LDLRAD2: variants seen among roughly 807,000 people sequenced by gnomAD.
LDLRAD2 encodes low-density lipoprotein receptor class A domain-containing protein 2.
In LDLRAD2, 25 loss-of-function variants were observed where a neutral mutation model predicts 24.9. The ratio of observed to expected loss-of-function variants is 1.00; its 90% CI spans 0.73 to 1.40. The LOEUF (loss-of-function observed/expected upper bound fraction) is 1.40. LDLRAD2 is among the 40% of genes most tolerant of loss of function. The pLI, the probability that LDLRAD2 is intolerant of heterozygous loss-of-function variation, is 0.00. For missense variants in LDLRAD2, 391 were observed against 366.2 expected (o/e 1.07, Z -0.55); for synonymous variants, 182 against 166.7 (o/e 1.09, Z -0.71).
chr1:21,820,935 C>T (rs1228081720), intron 3 of LDLRAD2, among the ~76,000 whole-genome samples: 3 of 152,152 alleles, frequency 2.0e-5, no homozygotes, highest in Non-Finnish European at 2.9e-5. Context: ...TGGTGGCTCA[C>T]GCCTGGAATC....
chr1:21,814,775 C>T lies in LDLRAD2; in HGVS notation c.463C>T (p.Arg155Cys), dbSNP rs892058926. ...FLGLRLVTRG[R>C]QPRVDFVGEV... Reference sequence around the variant, plus strand: ...AGGCCTGCGCCTGGTCACGAGAGGCCGCCAGCCCCGCGTGGACTTCGTGGG... The same window carrying T: ...AGGCCTGCGCCTGGTCACGAGAGGCTGCCAGCCCCGCGTGGACTTCGTGGG... The change falls in exon 2 of 5, where the codon CGC becomes TGC. Residue 155 changes from arginine to cysteine, a missense_variant. Physicochemically the swap from Arg to Cys is radical, Grantham distance 180. Transcript: ENST00000344642. The T allele has an allele frequency of 1.3e-5, 19 of 1,482,226 alleles. No individual in the cohort carries two copies. In the South Asian group the frequency reaches 1.6e-4, roughly 13 times the overall value. The allele number at this position is 1,482,226 out of a possible 1,614,324, so 91.8% of individuals were successfully genotyped here. A position where few individuals can be genotyped will look rare whatever the true frequency, so the allele number is the denominator to read the frequency against.
At position 21,812,486 on chromosome 1, in the gene LDLRAD2, G is replaced by A; in HGVS notation, c.35G>A (p.Arg12Lys). Reference protein sequence around the residue: ...EACCLLQLPQRLLLLGAAALT... With the variant: ...EACCLLQLPQKLLLLGAAALT... Reference sequence around the variant, plus strand: ...TGTTGTCTTCTGCAGTTGCCCCAAAGGTTGCTCTTGCTGGGGGCAGCCGCC... The same window carrying A: ...TGTTGTCTTCTGCAGTTGCCCCAAAAGTTGCTCTTGCTGGGGGCAGCCGCC... The change falls in exon 1 of 5, where the codon AGG becomes AAG. Residue 12 changes from arginine to lysine, a missense_variant. By Grantham distance (26) the Arg-to-Lys change is conservative. Coordinates refer to ENST00000344642, the MANE Select transcript of LDLRAD2 (RefSeq NM_001013693.3). 2 of 1,614,174 alleles carry A rather than the reference G, an allele frequency of 1.2e-6. No homozygotes were observed. Among genetic ancestry groups the A allele is most frequent in the Non-Finnish European group, 1.7e-6 (2 of 1,180,026 alleles).
In LDLRAD2 at chr1:21,814,441, G is replaced by T. The variant is rs1272638516; in HGVS notation, c.129G>T (p.Gly43=). ...GCGGGCAGACGTGGCAGGGGGACGGGCTGCTGCTGCGCTCGCACGCCGCAT... is the reference window on the plus strand; with the variant it reads ...GCGGGCAGACGTGGCAGGGGGACGGTCTGCTGCTGCGCTCGCACGCCGCAT... The part of the protein sequence containing the change: ...ELCGQTWQGD[G]LLLRSHAASR... Residue 43 remains glycine (G), a synonymous_variant, in exon 2 of 5, where the codon GGG becomes GGT. Transcript: ENST00000344642. The T allele has an allele frequency of 6.2e-7, 1 of 1,609,608 alleles. No homozygotes were observed. The highest frequency in any genetic ancestry group is 8.5e-7 in the Non-Finnish European group (1 of 1,178,224).
intron 1 of LDLRAD2, 145 bp downstream of exon 1, chr1:21,812,681 C>G: frequency 1.5e-6 from 1 of 666,070 alleles, no homozygotes; most frequent in Non-Finnish European, 2.6e-6. Context: ...TCTGGTCTTG[C>G]TTGGCATCCC....
chr1:21,822,456 TA>T lies in LDLRAD2; in HGVS notation c.*243del. On this transcript the variant is annotated 3_prime_UTR_variant, in exon 5 of 5. Coordinates refer to ENST00000344642, the MANE Select transcript of LDLRAD2 (RefSeq NM_001013693.3). ...GTCGTGAGTCCTGCCTTCCCCCACC[TA>T]AGGCACTAGCTCTTCCTGAGCACCA... 1.9e-6 allele frequency: 1 copy of T among 521,946 alleles called. No homozygotes were observed. The highest frequency in any genetic ancestry group is 3.3e-5 in the East Asian group (1 of 30,092). 32.3% of individuals were successfully genotyped at this position (521,946 alleles called of 1,614,324 possible). A position where few individuals can be genotyped will look rare whatever the true frequency, so the allele number is the denominator to read the frequency against.
intron 2 of LDLRAD2, 115 bp from the exon 3 acceptor site, chr1:21,815,828 T>C: frequency 3.2e-6 from 4 of 1,269,022 alleles, no homozygotes; most frequent in Non-Finnish European, 4.4e-6. Context: ...TCTGCATGCA[T>C]GAGGGCAGCT....
At position 21,812,479 on chromosome 1, in the gene LDLRAD2, C is replaced by T. The variant is rs1014686176; in HGVS notation, c.28C>T (p.Pro10Ser). 1.2e-6 allele frequency: 2 copies of T among 1,614,016 alleles called. No homozygotes were observed. Among genetic ancestry groups the T allele is most frequent in the Non-Finnish European group, 1.7e-6 (2 of 1,180,004 alleles). MEACCLLQL[P>S]QRLLLLGAAA... ...GGAGGCTTGTTGTCTTCTGCAGTTGCCCCAAAGGTTGCTCTTGCTGGGGGC... is the reference window on the plus strand; with the variant it reads ...GGAGGCTTGTTGTCTTCTGCAGTTGTCCCAAAGGTTGCTCTTGCTGGGGGC... The change falls in exon 1 of 5, where the codon CCC becomes TCC. Residue 10 changes from proline to serine, a missense_variant. Transcript: ENST00000344642.
In LDLRAD2 at chr1:21,814,502, T is replaced by A. The variant is rs532722184; in HGVS notation, c.190T>A (p.Cys64Ser). ...RFYFVAPDTD[C>S]GLWVQAAAPG... ...CTACTTCGTGGCTCCGGACACCGACTGCGGGCTCTGGGTGCAGGCGGCAGC... is the reference window on the plus strand; with the variant it reads ...CTACTTCGTGGCTCCGGACACCGACAGCGGGCTCTGGGTGCAGGCGGCAGC... Residue 64 changes from cysteine (C) to serine (S), a missense_variant, in exon 2 of 5, where the codon TGC becomes AGC. Cys to Ser is a moderately radical substitution (Grantham distance 112). Coordinates refer to ENST00000344642, the MANE Select transcript of LDLRAD2 (RefSeq NM_001013693.3). 1 of 1,612,638 alleles carries A rather than the reference T, an allele frequency of 6.2e-7. No homozygotes were observed. Among genetic ancestry groups the A allele is most frequent in the Admixed American group, 1.7e-5 (1 of 60,010 alleles).
Position 21,823,186 on chromosome 1 carries a change from C to T in LDLRAD2, c.*971C>T. ...TGGCATGCCCACCTCCAGTCCAGCC[C>T]AGGGCGGTAGCAGCAAAGCGTGGCA... On this transcript the variant is annotated 3_prime_UTR_variant, in exon 5 of 5. Coordinates refer to ENST00000344642, the MANE Select transcript of LDLRAD2 (RefSeq NM_001013693.3). The T allele has an allele frequency of 1.1e-6, 1 of 928,852 alleles. No homozygotes were observed. The highest frequency in any genetic ancestry group is 1.5e-6 in the Non-Finnish European group (1 of 659,248). The allele number at this position is 928,852 out of a possible 1,614,324, so 57.5% of individuals were successfully genotyped here.
intron 4 of LDLRAD2, 133 bp downstream of exon 4, chr1:21,821,744 G>C (rs2152679910): frequency 6.7e-7 from 1 of 1,498,496 alleles, no homozygotes; most frequent in East Asian, 2.3e-5. Flanking sequence ...CTGAGGGGTG[G>C]CGCTGGCCTC....
chr1:21,818,256 CCCGCCTTGGCCTCCCAA>C (rs2097946247), intron 3 of LDLRAD2, among the ~76,000 whole-genome samples: 1 of 150,924 alleles, frequency 6.6e-6, no homozygotes, highest in Non-Finnish European at 1.5e-5. Flanking sequence ...AAGTGATCCA[CCCGCCTTGGCCTCCCAA>C]AGTGCTGGGA....
At chr1:21,817,544 T>C (rs1557655602) in intron 3 of LDLRAD2, among the ~76,000 whole-genome samples, 1 of 152,074 alleles carries the variant, frequency 6.6e-6, no homozygotes. Context: ...TCTCACTGTA[T>C]TGCAAGGGCT....
chr1:21,822,534 C>A lies in LDLRAD2; in HGVS notation c.*319C>A, dbSNP rs1048600113. ...TGGAGGAGTCCCTGGGCCTTCACTT[C>A]CAGATGGGTGGGGATGTGGCCTGGG... On this transcript the variant is annotated 3_prime_UTR_variant, in exon 5 of 5. Transcript: ENST00000344642. 1.3e-5 allele frequency: 5 copies of A among 383,234 alleles called. No homozygotes were observed. The highest frequency in any genetic ancestry group is 2.5e-5 in the Non-Finnish European group (5 of 203,986). 23.7% of individuals were successfully genotyped at this position (383,234 alleles called of 1,614,324 possible). A position where few individuals can be genotyped will look rare whatever the true frequency, so the allele number is the denominator to read the frequency against.
intron 3 of LDLRAD2, among the ~76,000 whole-genome samples, chr1:21,818,818 C>T (rs971819277): frequency 6.6e-6 from 1 of 152,060 alleles, no homozygotes; most frequent in African/African-American, 2.4e-5. Context: ...AGGCCCTGCA[C>T]GATCTGGCCC....
Position 21,823,711 on chromosome 1 carries a change from C to T in LDLRAD2, c.*1496C>T, listed in dbSNP as rs199715708. 4.2e-5 allele frequency: 67 copies of T among 1,613,132 alleles called. No individual in the cohort carries two copies. The highest frequency in any genetic ancestry group is 2.7e-4 in the South Asian group (25 of 91,092). On this transcript the variant is annotated 3_prime_UTR_variant, in exon 5 of 5. Coordinates refer to ENST00000344642, the MANE Select transcript of LDLRAD2 (RefSeq NM_001013693.3). Reference sequence around the variant, plus strand: ...ACCGTCGACTTGGATGGAACCTCTGCGGCCCTCCCTGCAGTGGAACTGGGT... The same window carrying T: ...ACCGTCGACTTGGATGGAACCTCTGTGGCCCTCCCTGCAGTGGAACTGGGT...
At position 21,815,923 on chromosome 1, in the gene LDLRAD2, G is replaced by T; in HGVS notation, c.512-20G>T. On this transcript the variant is annotated intron_variant, in intron 2 of 4. Transcript: ENST00000344642. ...GGCTGGACCGGAATCCTCACCTCAG[G>T]CTTCTGCTTCTGGCCTCAGGACCTT... 6.2e-7 allele frequency: 1 copy of T among 1,613,288 alleles called. No homozygotes were observed. The highest frequency in any genetic ancestry group is 1.1e-5 in the South Asian group (1 of 91,068).
intron 3 of LDLRAD2, among the ~76,000 whole-genome samples, chr1:21,816,930 C>T (rs148121416): frequency 0.025 from 3,761 of 152,174 alleles, 59 homozygotes; most frequent in Middle Eastern, 0.078. Context: ...AGCCACATAA[C>T]CTCCTCCCTG....
In LDLRAD2 at chr1:21,823,350, T is replaced by A; in HGVS notation, c.*1135T>A. The A allele has an allele frequency of 6.5e-7, 1 of 1,543,804 alleles. No individual in the cohort carries two copies. Among genetic ancestry groups the A allele is most frequent in the Middle Eastern group, 1.7e-4 (1 of 5,836 alleles). On this transcript the variant is annotated 3_prime_UTR_variant, in exon 5 of 5. Transcript: ENST00000344642. ...GCAGGGGCGTGTGTTGGCCCCGGCC[T>A]GGGCGCGGTGCTGCAGGTCCAGGGG...
In LDLRAD2 at chr1:21,824,451, T is replaced by A; in HGVS notation, c.*2236T>A. 6.3e-7 allele frequency: 1 copy of A among 1,599,440 alleles called. No homozygotes were observed. On this transcript the variant is annotated 3_prime_UTR_variant, in exon 5 of 5. Coordinates refer to ENST00000344642, the MANE Select transcript of LDLRAD2 (RefSeq NM_001013693.3). This position sits in a 1 kb window ranked among gnomAD's most constrained non-coding sequence, Gnocchi z 5.9. ...GCTGCCGAGGCCAGGGGGCTCTGCT[T>A]TCCCCTCCCCCCACCACTCCGGCCA...
Sources: allele counts gnomAD v4.1 joint callset (sites outside exome capture counted in the v4.1 genomes callset), GRCh38; gene constraint gnomAD v4.1.1; non-coding constraint Gnocchi (gnomAD v3.1); transcripts MANE v1.5; gene names NCBI Gene and HGNC (gene_info 2026-07-23, HGNC 2026-07-21).